The following CEP83 variants were observed in gnomAD, a reference collection of about 807,000 sequenced individuals.
CEP83 encodes the protein centrosomal protein of 83 kDa.
Under a neutral mutation model 101.9 loss-of-function variants are expected in CEP83, and 70 were observed. The ratio of observed to expected loss-of-function variants is 0.69; its 90% confidence interval spans 0.57 to 0.84. CEP83 has a LOEUF of 0.84. CEP83 is among the 40% of genes least tolerant of loss of function. The probability of loss-of-function intolerance (pLI) is 0.00; values close to 1 mark genes in which losing one functional copy is unlikely to be tolerated. For synonymous variants in CEP83, 264 were observed against 267.9 expected (o/e 0.99, Z 0.14); for missense variants, 715 against 787.2 (o/e 0.91, Z 1.10).
chr12:94,287,491 C>A, the CEP83 span, among the ~76,000 whole-genome samples: 2 of 152,200 alleles, frequency 1.3e-5, no homozygotes, highest in Non-Finnish European at 1.5e-5. Context: ...TGCACCCGCA[C>A]CCTGCTATGG....
Position 94,456,047 on chromosome 12 carries a change from CAA to C in CEP83, c.-155+3508_-155+3509del, listed in dbSNP as rs56804581. Among the ~76,000 whole-genome samples, 610 of 128,302 alleles carry C rather than the reference CAA, an allele frequency of 4.8e-3. 7 individuals carry two copies. The highest frequency in any genetic ancestry group is 0.015 in the African/African-American group (516 of 34,338). 84.2% of individuals were successfully genotyped at this position (128,302 alleles called of 152,430 possible). ...TGGGCGACAGAGCAAAACTCCATCT[CAA>C]AAAAAAAAAAAAGAAAAAAGAAATA... On this transcript the variant is annotated intron_variant, in intron 1 of 16. Transcript: ENST00000397809.
At chr12:94,320,673 T>A (rs953916541) in intron 14 of CEP83, among the ~76,000 whole-genome samples, 8 of 152,220 alleles carry the variant, frequency 5.3e-5, no homozygotes, top group Admixed American at 5.2e-4. Context: ...TGGCTGGATA[T>A]GAAATTCTTG....
intron 1 of CEP83, among the ~76,000 whole-genome samples, chr12:94,447,201 A>G (rs2066875029): frequency 6.6e-6 from 1 of 152,206 alleles, no homozygotes; most frequent in East Asian, 1.9e-4. Flanking sequence ...CCCTCAGGAT[A>G]AAAGGAAGTC....
chr12:94,348,813 C>CAA (rs2060066525), intron 11 of CEP83, among the ~76,000 whole-genome samples: 1 of 152,294 alleles, frequency 6.6e-6, no homozygotes. Flanking sequence ...CGACAATGTC[C>CAA]AACTGTATGC....
At chr12:94,376,459 AAAAG>A (rs1243025060) in intron 7 of CEP83, among the ~76,000 whole-genome samples, 1 of 151,946 alleles carries the variant, frequency 6.6e-6, no homozygotes, top group Non-Finnish European at 1.5e-5. Flanking sequence ...TGATTTTAAA[AAAAG>A]AAACAGGGAA....
chr12:94,415,178 T>C (rs2064174591), intron 2 of CEP83, among the ~76,000 whole-genome samples: 1 of 151,984 alleles, frequency 6.6e-6, no homozygotes, highest in African/African-American at 2.4e-5. Flanking sequence ...ACTATGAGAA[T>C]GTATTTTTGG....
At chr12:94,421,475 G>T (rs2064740819) in intron 2 of CEP83, among the ~76,000 whole-genome samples, 2 of 152,020 alleles carry the variant, frequency 1.3e-5, no homozygotes, top group African/African-American at 4.8e-5. Flanking sequence ...AATCCTGTTG[G>T]CTTAATTCTC....
chr12:94,423,086 AT>A (rs555841727), intron 2 of CEP83, among the ~76,000 whole-genome samples: 56 of 146,372 alleles, frequency 3.8e-4, no homozygotes, highest in East Asian at 6.0e-4. Flanking sequence ...ACATATGAGA[AT>A]TTTTTTTTTT....
At chr12:94,363,101 T>G (rs533583990) in intron 11 of CEP83, among the ~76,000 whole-genome samples, 1 of 152,364 alleles carries the variant, frequency 6.6e-6, no homozygotes, top group African/African-American at 2.4e-5. Context: ...GAATAATTTC[T>G]GGTGTTCTAC....
intron 2 of CEP83, among the ~76,000 whole-genome samples, chr12:94,427,418 C>T (rs1471051944): frequency 1.3e-5 from 2 of 152,020 alleles, no homozygotes; most frequent in African/African-American, 4.8e-5. Context: ...AACCTTTTTC[C>T]AAATTCTTCA....
At chr12:94,331,289 GAAAAAAAAAA>G (rs568464808) in intron 14 of CEP83, among the ~76,000 whole-genome samples, 2 of 43,806 alleles carry the variant, frequency 4.6e-5, no homozygotes, top group African/African-American at 2.6e-4. Flanking sequence ...CAGACTCTCA[GAAAAAAAAAA>G]AAAAAAAAAA....
intron 6 of CEP83, 149 bp from the exon 7 acceptor site, chr12:94,379,191 C>T: frequency 3.0e-6 from 2 of 676,306 alleles, no homozygotes; most frequent in South Asian, 4.1e-5. Context: ...TTAAGTATCA[C>T]TATCTTTTTG....
chr12:94,278,595 G>T, the CEP83 span, among the ~76,000 whole-genome samples: 2 of 152,188 alleles, frequency 1.3e-5, no homozygotes, highest in Admixed American at 1.3e-4. Context: ...CATAGTATGG[G>T]GTGGGGATCT....
chr12:94,344,779 A>C (rs2059853699), intron 11 of CEP83, among the ~76,000 whole-genome samples: 1 of 152,194 alleles, frequency 6.6e-6, no homozygotes, highest in Admixed American at 6.5e-5. Context: ...ATACAATCCC[A>C]ATTAAAATTT....
intron 8 of CEP83, among the ~76,000 whole-genome samples, chr12:94,372,013 G>T (rs376171591): frequency 3.3e-5 from 5 of 152,008 alleles, no homozygotes; most frequent in Non-Finnish European, 5.9e-5. Flanking sequence ...TCGCTCTGTC[G>T]CCCAGGCTGG....
intron 11 of CEP83, among the ~76,000 whole-genome samples, chr12:94,343,054 C>T (rs919761728): frequency 6.6e-6 from 1 of 151,520 alleles, no homozygotes; most frequent in African/African-American, 2.4e-5. Flanking sequence ...CAAGGCAGAT[C>T]CTATGTGTAC....
intron 11 of CEP83, among the ~76,000 whole-genome samples, chr12:94,346,216 A>AT (rs945620838): frequency 6.6e-6 from 1 of 151,606 alleles, no homozygotes; most frequent in South Asian, 2.1e-4. Context: ...CGCCCAACTA[A>AT]TTTTTTTTGT....
chr12:94,363,491 T>C lies in CEP83; in HGVS notation c.1343+4303A>G, dbSNP rs181853811. On this transcript the variant is annotated intron_variant, in intron 11 of 16. Coordinates refer to ENST00000397809, the MANE Select transcript of CEP83 (RefSeq NM_016122.3). Reference sequence around the variant, plus strand: ...AAGCCAGTAATTCTTCTTCTGGATATACACCCAAAATAACTGAAACCAAGG... The same window carrying C: ...AAGCCAGTAATTCTTCTTCTGGATACACACCCAAAATAACTGAAACCAAGG... Among the ~76,000 whole-genome samples the C allele has an allele frequency of 3.0e-4, 46 of 152,280 alleles. No homozygotes were observed. The East Asian group carries it at 6.2e-3, about 20-fold the overall frequency.
At chr12:94,387,026 T>A (rs2062189385) in intron 6 of CEP83, among the ~76,000 whole-genome samples, 1 of 152,226 alleles carries the variant, frequency 6.6e-6, no homozygotes, top group South Asian at 2.1e-4. Context: ...CCCTATTTAA[T>A]AACTGGTGTT....
Sources: gnomAD v4.1 joint callset for allele counts (sites outside exome capture counted in the v4.1 genomes callset) on GRCh38, gnomAD v4.1.1 for gene constraint, MANE v1.5 for transcripts, NCBI Gene and HGNC (gene_info 2026-07-23, HGNC 2026-07-21) for gene names.